Variants in PI4KA observed in about 807,000 individuals in gnomAD.
PI4KA encodes the protein phosphatidylinositol 4-kinase alpha, also known as PI4-kinase alpha.
A neutral mutation model predicts 271.4 loss-of-function variants in PI4KA; 122 were observed. The ratio of observed to expected loss-of-function variants is 0.45; its 90% CI spans 0.39 to 0.52. PI4KA has a LOEUF of 0.52. Ranked by LOEUF, PI4KA falls within the 20% of genes least tolerant of loss-of-function variation. The probability of loss-of-function intolerance (pLI) is 0.00; values close to 1 mark genes in which losing one functional copy is unlikely to be tolerated. For missense variants in PI4KA, 1,969 were observed against 2,769.1 expected, an observed-to-expected ratio of 0.71 and a Z score of 6.48; for synonymous variants, 1,041 against 1,078.8, an observed-to-expected ratio of 0.96 and a Z score of 0.69.
chr22:20,771,163 G>A (rs566022743), intron 19 of PI4KA, among the ~76,000 whole-genome samples: 30 of 152,058 alleles, frequency 2.0e-4, no homozygotes, highest in African/African-American at 6.3e-4. Flanking sequence ...GGTGGCTCAC[G>A]CCTGTAATCC....
Position 20,729,472 on chromosome 22 carries a change from T to C in PI4KA, c.4523A>G (p.Asn1508Ser). The change falls in exon 39 of 55, where the codon AAC becomes AGC. Residue 1508 changes from asparagine to serine, a missense_variant. Transcript: ENST00000255882. The stretch of plus-strand genomic sequence containing the variant: ...TTCCAGTTCCGGGGCTGACAGCGGG[T>C]TGTACCATGTGATGAGACGCTCGAT... The part of the protein sequence containing the change: ...TEIERLITWY[N>S]PLSAPELELD... 6.2e-7 allele frequency: 1 copy of C among 1,607,910 alleles called. No individual in the cohort carries two copies. The highest frequency in any genetic ancestry group is 8.5e-7 in the Non-Finnish European group (1 of 1,176,784).
chr22:20,793,229 T>C lies in PI4KA; in HGVS notation c.2292A>G (p.Ala764=), dbSNP rs775125773. 5 of 1,573,308 alleles carry C rather than the reference T, an allele frequency of 3.2e-6. No homozygotes were observed. The South Asian group carries it at 5.5e-5, about 17-fold the overall frequency. Residue 764 remains alanine (A), a synonymous_variant, in exon 19 of 55, where the codon GCA becomes GCG. Coordinates refer to ENST00000255882, the MANE Select transcript of PI4KA (RefSeq NM_058004.4). The part of the protein sequence containing the change: ...KGPALKASSS[A]GNLGVLIPVI... Reference sequence around the variant, plus strand: ...CAGGAATGAGTACTCCCAAGTTCCCTGCACTGCTAGAAGCCTAGAAAAGAA... The same window carrying C: ...CAGGAATGAGTACTCCCAAGTTCCCCGCACTGCTAGAAGCCTAGAAAAGAA...
chr22:20,778,083 G>A (rs1933442236), intron 19 of PI4KA, among the ~76,000 whole-genome samples: 1 of 152,126 alleles, frequency 6.6e-6, no homozygotes, highest in African/African-American at 2.4e-5. Context: ...TATTGTCTAA[G>A]AGATACAAAG....
At chr22:20,753,307 T>C (rs1047538146) in intron 23 of PI4KA, 127 bp from the exon 24 acceptor site, 1 of 821,798 alleles carries the variant, frequency 1.2e-6, no homozygotes, top group African/African-American at 1.7e-5. Context: ...AGAGCTCCCA[T>C]ATACCCTTCA....
chr22:20,823,760 G>A (rs188169810), intron 4 of PI4KA, among the ~76,000 whole-genome samples: 15 of 152,136 alleles, frequency 9.9e-5, no homozygotes, highest in Middle Eastern at 3.4e-3. Flanking sequence ...GCAACATGGC[G>A]AAACCTTGTC....
At chr22:20,735,714 G>A (rs1433336654) in intron 32 of PI4KA, among the ~76,000 whole-genome samples, 7 of 152,234 alleles carry the variant, frequency 4.6e-5, no homozygotes, top group African/African-American at 1.7e-4. Flanking sequence ...GCCCAGGATG[G>A]CCAGGAGCCG....
intron 19 of PI4KA, chr22:20,784,180 G>T (rs1371284224): frequency 3.7e-6 from 6 of 1,614,088 alleles, no homozygotes; most frequent in Non-Finnish European, 5.1e-6. Context: ...TGTCTGGGAT[G>T]AAGACCCTCG....
At chr22:20,724,080 C>G (rs531112612) in intron 42 of PI4KA, among the ~76,000 whole-genome samples, 1 of 151,922 alleles carries the variant, frequency 6.6e-6, no homozygotes, top group South Asian at 2.1e-4. Context: ...CCTCGTGATC[C>G]GCCCGCCTCA....
intron 45 of PI4KA, among the ~76,000 whole-genome samples, chr22:20,715,715 T>C (rs1925906936): frequency 6.6e-6 from 1 of 152,176 alleles, no homozygotes; most frequent in Non-Finnish European, 1.5e-5. Context: ...CCTGAGGTGA[T>C]CCACCCGCCT....
At chr22:20,775,038 G>C (rs1347988874) in intron 19 of PI4KA, among the ~76,000 whole-genome samples, 2 of 152,016 alleles carry the variant, frequency 1.3e-5, no homozygotes, top group Non-Finnish European at 2.9e-5. Flanking sequence ...CCAAACTTTA[G>C]GCAGTTACTT....
chr22:20,750,804 C>A (rs748575888), intron 27 of PI4KA, among the ~76,000 whole-genome samples: 3 of 152,158 alleles, frequency 2.0e-5, no homozygotes, highest in South Asian at 4.2e-4. Context: ...GCTCTGAGAC[C>A]GAGTTGGGGA....
At chr22:20,825,776 T>A (rs535233723) in intron 3 of PI4KA, among the ~76,000 whole-genome samples, 1 of 152,288 alleles carries the variant, frequency 6.6e-6, no homozygotes, top group Non-Finnish European at 1.5e-5. Flanking sequence ...GCAGTTTTGT[T>A]ATACAGGTAA....
intron 2 of PI4KA, among the ~76,000 whole-genome samples, chr22:20,838,142 C>G (rs1925113269): frequency 6.6e-6 from 1 of 150,936 alleles, no homozygotes; most frequent in Admixed American, 6.6e-5. Flanking sequence ...AAACAAGATA[C>G]ACTGATACAT....
In PI4KA at chr22:20,858,805, T is replaced by C. The variant is rs1928018423; in HGVS notation, c.-80A>G. Reference sequence around the variant, plus strand: ...CCCGACCTCAGGGCGCAGGCGTAGGTGCATCCGGCTTTCCCGCCACGTGAC... The same window carrying C: ...CCCGACCTCAGGGCGCAGGCGTAGGCGCATCCGGCTTTCCCGCCACGTGAC... On this transcript the variant is annotated 5_prime_UTR_variant, in exon 1 of 55. Transcript: ENST00000255882. 1.5e-6 allele frequency: 2 copies of C among 1,359,710 alleles called. No individual in the cohort carries two copies. The highest frequency in any genetic ancestry group is 3.2e-5 in the South Asian group (2 of 62,934). 84.2% of individuals were successfully genotyped at this position (1,359,710 alleles called of 1,614,324 possible). A position where few individuals can be genotyped will look rare whatever the true frequency, so the allele number is the denominator to read the frequency against.
chr22:20,781,441 G>C (rs145850902), intron 19 of PI4KA, among the ~76,000 whole-genome samples: 1 of 152,196 alleles, frequency 6.6e-6, no homozygotes, highest in Non-Finnish European at 1.5e-5. Context: ...TAGCTCCCGT[G>C]GTTTTATAGC....
intron 9 of PI4KA, 80 bp from the exon 10 acceptor site, chr22:20,807,538 C>T (rs1935734626): frequency 9.2e-6 from 7 of 763,394 alleles, no homozygotes; most frequent in South Asian, 1.5e-5. Context: ...CAAGGCCCAG[C>T]GGAATGGTGA....
chr22:20,712,288 C>T, intron 50 of PI4KA, 198 bp downstream of exon 50: 4 of 795,272 alleles, frequency 5.0e-6, no homozygotes, highest in Non-Finnish European at 6.1e-6. Context: ...ATCTCTTGAC[C>T]TCGTGATCTG....
Position 20,734,189 on chromosome 22 carries a change from C to T in PI4KA, c.3906G>A (p.Leu1302=), listed in dbSNP as rs1363683791. The T allele has an allele frequency of 1.3e-6, 2 of 1,542,340 alleles. No individual in the cohort carries two copies. Among genetic ancestry groups the T allele is most frequent in the African/African-American group, 2.8e-5 (2 of 72,382 alleles). Residue 1302 remains leucine, a synonymous_variant, in exon 34 of 55, where the codon CTG becomes CTA. Coordinates refer to ENST00000255882, the MANE Select transcript of PI4KA (RefSeq NM_058004.4). The part of the protein sequence containing the change: ...VTPHYIWIDF[L]VQRFEIAKYC... ...ACTTGGCGATCTCAAACCGCTGCAC[C>T]AGGAACTGAGCGAAAAGAGGAAGAC...
chr22:20,853,203 A>C (rs994008267), intron 1 of PI4KA, among the ~76,000 whole-genome samples: 43 of 152,296 alleles, frequency 2.8e-4, no homozygotes, highest in Middle Eastern at 3.4e-3. Flanking sequence ...GAGGGTGGGG[A>C]GAGGAATAGA....
Sources: gnomAD v4.1 joint callset for allele counts (sites outside exome capture counted in the v4.1 genomes callset) on GRCh38, gnomAD v4.1.1 for gene constraint, MANE v1.5 for transcripts, NCBI Gene and HGNC (gene_info 2026-07-23, HGNC 2026-07-21) for gene names.